MIOS: variants seen among roughly 807,000 people sequenced by gnomAD.
MIOS encodes GATOR2 complex protein MIOS.
In MIOS, 52 loss-of-function variants were observed where a neutral mutation model predicts 96.9. The observed-to-expected ratio is 0.54, with a 90% CI of 0.43 to 0.68. The LOEUF is 0.68. Ranked by LOEUF, MIOS falls within the 30% of genes least tolerant of loss-of-function variation. The probability of loss-of-function intolerance (pLI) is 0.00; values close to 1 mark genes in which losing one functional copy is unlikely to be tolerated. For missense variants in MIOS, 1,005 were observed against 1,052.8 expected (o/e 0.95, Z 0.63); for synonymous variants, 397 against 359.5 (o/e 1.10, Z -1.18).
intron 11 of MIOS, among the ~76,000 whole-genome samples, chr7:7,603,658 T>C (rs1159805721): frequency 6.6e-6 from 1 of 152,174 alleles, no homozygotes. Flanking sequence ...GTGTGGCGAT[T>C]CCTCAGGGAT....
At chr7:7,578,281 C>T (rs1046710163) in intron 5 of MIOS, among the ~76,000 whole-genome samples, 5 of 152,126 alleles carry the variant, frequency 3.3e-5, no homozygotes, top group Admixed American at 2.0e-4. Context: ...ATAGCAAGTT[C>T]ACAGTGTTAT....
At chr7:7,589,110 A>G (rs1396181259) in intron 8 of MIOS, among the ~76,000 whole-genome samples, 1 of 152,156 alleles carries the variant, frequency 6.6e-6, no homozygotes, top group African/African-American at 2.4e-5. Context: ...ATAGACAGCA[A>G]AAATTTCGCA....
chr7:7,573,751 C>T lies in MIOS; in HGVS notation c.1276C>T (p.Leu426Phe). Residue 426 changes from leucine (L) to phenylalanine (F), a missense_variant, in exon 4 of 13, where the codon CTC becomes TTC. Around this residue, in one of 3 missense-constraint regions of MIOS, gnomAD observed 865 missense variants for 887.9 expected, o/e 0.97. Coordinates refer to ENST00000340080, the MANE Select transcript of MIOS (RefSeq NM_019005.4). The surrounding 1 kb of genome is among the most constrained non-coding windows in gnomAD (Gnocchi z 5.0). ...AAATGAAGATCCACAGCTCAAGTCA[C>T]TCTGGTATACTCTGCACTATATCCT... ...AGNEDPQLKS[L>F]WYTLHFMKQY... 6.2e-7 allele frequency: 1 copy of T among 1,601,390 alleles called. No individual in the cohort carries two copies.
Position 7,572,334 on chromosome 7 carries a change from G to A in MIOS, c.-40-102G>A. Reference sequence around the variant, plus strand: ...GAAATACAAATATATTGAAAAAGAGGGTTCTTGAATAGAGAATTTTCTGAC... The same window carrying A: ...GAAATACAAATATATTGAAAAAGAGAGTTCTTGAATAGAGAATTTTCTGAC... On this transcript the variant is annotated intron_variant, in intron 3 of 12. Coordinates refer to ENST00000340080, the MANE Select transcript of MIOS (RefSeq NM_019005.4). The surrounding 1 kb of genome is among the most constrained non-coding windows in gnomAD (Gnocchi z 4.8). The A allele has an allele frequency of 1.9e-6, 1 of 520,576 alleles. No homozygotes were observed. Among genetic ancestry groups the A allele is most frequent in the Non-Finnish European group, 3.3e-6 (1 of 301,414 alleles). 32.2% of individuals were successfully genotyped at this position (520,576 alleles called of 1,614,324 possible). A position where few individuals can be genotyped will look rare whatever the true frequency, so the allele number is the denominator to read the frequency against.
chr7:7,589,937 T>C (rs1394684809), intron 9 of MIOS, among the ~76,000 whole-genome samples: 2 of 152,222 alleles, frequency 1.3e-5, no homozygotes, highest in African/African-American at 2.4e-5. Flanking sequence ...AGTCTAGTTA[T>C]ACCACAGCTC....
intron 11 of MIOS, among the ~76,000 whole-genome samples, chr7:7,597,167 A>G (rs1013277315): frequency 1.3e-5 from 2 of 151,838 alleles, no homozygotes. Flanking sequence ...TCTACTAAAA[A>G]TACAAAAAAT....
rs1783189987 is a variant in MIOS at position 7,567,625 on chromosome 7, A to G, written c.-202A>G. The G allele has an allele frequency of 6.6e-6, 1 of 152,234 alleles. No individual in the cohort carries two copies. The highest frequency in any genetic ancestry group is 2.4e-5 in the African/African-American group (1 of 41,460). The allele number at this position is 152,234 out of a possible 1,614,324, so 9.4% of individuals were successfully genotyped here. A position where few individuals can be genotyped will look rare whatever the true frequency, so the allele number is the denominator to read the frequency against. The stretch of plus-strand genomic sequence containing the variant: ...TTTTAAGGGAAATTTGGATATGTGC[A>G]GTGCATCTCCTCGAAGATGCTGATG... On this transcript the variant is annotated 5_prime_UTR_variant, in exon 2 of 13. Transcript: ENST00000340080.
At chr7:7,576,607 A>G (rs970512915) in intron 5 of MIOS, among the ~76,000 whole-genome samples, 2 of 152,198 alleles carry the variant, frequency 1.3e-5, no homozygotes, top group Non-Finnish European at 2.9e-5. Flanking sequence ...GAGGCTAGAA[A>G]GGTAAGCAGT....
chr7:7,593,583 G>A (rs758593284), intron 9 of MIOS, among the ~76,000 whole-genome samples: 23 of 151,940 alleles, frequency 1.5e-4, no homozygotes, highest in Non-Finnish European at 3.1e-4. Flanking sequence ...CCTGGACAGG[G>A]CTGAAAGTCT....
rs780580479 is a variant in MIOS at position 7,589,581 on chromosome 7, G to C, written c.2043+18G>C. On this transcript the variant is annotated intron_variant, in intron 9 of 12. Coordinates refer to ENST00000340080, the MANE Select transcript of MIOS (RefSeq NM_019005.4). ...TGTTACAGGTCAGTGCAGTTTGACA[G>C]CAGCTTTTAAAAAAGTAACAATATT... 1.0e-5 allele frequency: 16 copies of C among 1,557,432 alleles called. No individual in the cohort carries two copies. Among genetic ancestry groups the C allele is most frequent in the Non-Finnish European group, 1.3e-5 (15 of 1,150,194 alleles).
At chr7:7,580,084 A>T (rs1783663110) in intron 5 of MIOS, among the ~76,000 whole-genome samples, 1 of 152,218 alleles carries the variant, frequency 6.6e-6, no homozygotes, top group Admixed American at 6.5e-5. Flanking sequence ...CCAGCTTTAA[A>T]TCCAAAATTT....
intron 8 of MIOS, among the ~76,000 whole-genome samples, chr7:7,588,979 G>A (rs1208067475): frequency 6.6e-6 from 1 of 152,080 alleles, no homozygotes; most frequent in Admixed American, 6.6e-5. Context: ...GAAAGATGGA[G>A]GAATCTTGGC....
At position 7,600,650 on chromosome 7, in the gene MIOS, C is replaced by G. The variant is rs577137935; in HGVS notation, c.2401+4189C>G. On this transcript the variant is annotated intron_variant, in intron 11 of 12. Transcript: ENST00000340080. ...TTAACACCCCACTGTCAACATTAGA[C>G]AGATCAACGAGGCAGAAAGTGAACA... Among the ~76,000 whole-genome samples, 4 of 152,264 alleles carry G rather than the reference C, an allele frequency of 2.6e-5. No homozygotes were observed. In the East Asian group the frequency reaches 7.7e-4, roughly 29 times the overall value.
intron 9 of MIOS, among the ~76,000 whole-genome samples, chr7:7,593,781 A>T (rs188962154): frequency 6.6e-6 from 1 of 150,718 alleles, no homozygotes; most frequent in East Asian, 2.0e-4. Context: ...CCAGCTACTC[A>T]AGCAGGAGAA....
chr7:7,594,945 T>C, intron 9 of MIOS, 35 bp from the exon 10 acceptor site: 1 of 1,545,616 alleles, frequency 6.5e-7, no homozygotes, highest in Non-Finnish European at 8.8e-7. Flanking sequence ...CCAGGAGATT[T>C]TAAACAATTG....
At chr7:7,585,220 C>T (rs767423281) in intron 6 of MIOS, among the ~76,000 whole-genome samples, 3 of 152,038 alleles carry the variant, frequency 2.0e-5, no homozygotes, top group Admixed American at 6.6e-5. Context: ...ATTTAGTAAG[C>T]AATAACATAC....
chr7:7,593,732 A>C (rs1047794248), intron 9 of MIOS, among the ~76,000 whole-genome samples: 1 of 151,748 alleles, frequency 6.6e-6, no homozygotes, highest in East Asian at 1.9e-4. Context: ...CATCTCTACT[A>C]AAAATACAAA....
intron 2 of MIOS, 141 bp from the exon 3 acceptor site, chr7:7,567,885 A>G (rs1783199592): frequency 6.6e-6 from 1 of 152,248 alleles, no homozygotes; most frequent in South Asian, 2.1e-4. Flanking sequence ...TGCATTGATT[A>G]CATATTGAAA....
intron 8 of MIOS, among the ~76,000 whole-genome samples, chr7:7,588,826 T>C (rs563867943): frequency 2.0e-5 from 3 of 152,166 alleles, no homozygotes; most frequent in Non-Finnish European, 4.4e-5. Flanking sequence ...AACTCACCTC[T>C]TAGTGATGCT....
Sources: gnomAD v4.1 joint callset for allele counts (sites outside exome capture counted in the v4.1 genomes callset) on GRCh38, gnomAD v4.1.1 for gene constraint, gnomAD v4.1.1 regional missense constraint, Gnocchi (gnomAD v3.1) non-coding constraint, MANE v1.5 for transcripts, NCBI Gene and HGNC (gene_info 2026-07-23, HGNC 2026-07-21) for gene names.